Variants in STK11IP observed in about 807,000 individuals in gnomAD.
STK11IP encodes serine/threonine-protein kinase 11-interacting protein.
In STK11IP, 103 loss-of-function variants were observed where a neutral mutation model predicts 131.7. The observed-to-expected ratio is 0.78, with a 90% confidence interval of 0.67 to 0.92. The LOEUF is 0.92. Ranked by LOEUF, STK11IP falls within the 40% of genes least tolerant of loss-of-function variation. The probability of loss-of-function intolerance (pLI) is 0.00; values close to 1 mark genes in which losing one functional copy is unlikely to be tolerated. For synonymous variants in STK11IP, 557 were observed against 575.6 expected (o/e 0.97, Z 0.46); for missense variants, 1,315 against 1,385.7 (o/e 0.95, Z 0.81).
chr2:219,606,391 G>A, intron 10 of STK11IP, 85 bp from the exon 11 acceptor site: 1 of 1,552,800 alleles, frequency 6.4e-7, no homozygotes, highest in Non-Finnish European at 8.7e-7. Flanking sequence ...CAAGGACCTG[G>A]ACCCTGCTTA....
At chr2:219,602,198 T>C (rs757028157) in intron 5 of STK11IP, 115 bp downstream of exon 5, 6 of 773,632 alleles carry the variant, frequency 7.8e-6, no homozygotes, top group South Asian at 3.1e-5. Flanking sequence ...CTCTAGACAG[T>C]GTCCTCACTC....
At position 219,606,705 on chromosome 2, in the gene STK11IP, G is replaced by A. The variant is rs1040934771; in HGVS notation, c.988-7G>A. On this transcript the variant is annotated splice_region_variant and splice_polypyrimidine_tract_variant and intron_variant, in intron 11 of 24. Coordinates refer to ENST00000456909, the MANE Select transcript of STK11IP (RefSeq NM_052902.4). ...ACCTCTCTCTCCTTCCTGTCGTCACGTGCCAGACTCACACATCCTTGGGGC... is the reference window on the plus strand; with the variant it reads ...ACCTCTCTCTCCTTCCTGTCGTCACATGCCAGACTCACACATCCTTGGGGC... 14 of 1,605,682 alleles carry A rather than the reference G, an allele frequency of 8.7e-6. No individual in the cohort carries two copies. Among genetic ancestry groups the A allele is most frequent in the South Asian group, 2.2e-5 (2 of 90,400 alleles).
rs2106158022 is a variant in STK11IP at position 219,608,355 on chromosome 2, G to A, written c.1528G>A (p.Gly510Arg). The change falls in exon 14 of 25, where the codon GGG (glycine) becomes AGG (arginine). Residue 510 changes from glycine to arginine, a missense_variant. Gly to Arg is a moderately radical substitution (Grantham distance 125). Transcript: ENST00000456909. ...GGAGGGGAAGGAGGAGAAGGAGGAG[G>A]GGGAGATGGTGGAACAGGGAGAAGA... is the stretch of plus-strand genomic sequence containing the variant. ...EKEGKEEKEE[G>R]EMVEQGEEEA... is the part of the protein sequence containing the mutation. 6.3e-7 allele frequency: 1 copy of A among 1,585,604 alleles called. No homozygotes were observed. Among genetic ancestry groups the A allele is most frequent in the South Asian group, 1.1e-5 (1 of 88,058 alleles).
rs903255255 is a variant in STK11IP at position 219,614,016 on chromosome 2, C to T, written c.2716+86C>T. On this transcript the variant is annotated intron_variant, in intron 21 of 24. Coordinates refer to ENST00000456909, the MANE Select transcript of STK11IP (RefSeq NM_052902.4). ...AGGCTCCCCACCTGGTACCCAGTAG[C>T]GGAGACAGAGAGGTAACAGGACTTG... 3.4e-5 allele frequency: 51 copies of T among 1,494,374 alleles called. No homozygotes were observed. The African/African-American group carries it at 5.1e-4, about 15-fold the overall frequency. The allele number at this position is 1,494,374 out of a possible 1,614,324, so 92.6% of individuals were successfully genotyped here. A position where few individuals can be genotyped will look rare whatever the true frequency, so the allele number is the denominator to read the frequency against.
chr2:219,616,010 T>A, intron 24 of STK11IP, 34 bp from the exon 25 acceptor site: 1 of 1,608,026 alleles, frequency 6.2e-7, no homozygotes, highest in Non-Finnish European at 8.5e-7. Flanking sequence ...GTGGTCCCCA[T>A]GAGCCTCGCC....
chr2:219,605,953 C>G lies in STK11IP; in HGVS notation c.746-3C>G. On this transcript the variant is annotated splice_polypyrimidine_tract_variant and splice_region_variant and intron_variant, in intron 8 of 24. Transcript: ENST00000456909. Reference sequence around the variant, plus strand: ...TCTTCCTTCCTTCTTGCGTCCACCCCAGGCCTAGAGCAGCTGAGGAATCTG... The same window carrying G: ...TCTTCCTTCCTTCTTGCGTCCACCCGAGGCCTAGAGCAGCTGAGGAATCTG... 1 of 1,598,630 alleles carries G rather than the reference C, an allele frequency of 6.3e-7. No homozygotes were observed. The highest frequency in any genetic ancestry group is 8.5e-7 in the Non-Finnish European group (1 of 1,172,514).
In STK11IP at chr2:219,615,326, G is replaced by A. The variant is rs1404421508; in HGVS notation, c.3102G>A (p.Leu1034=). 6.2e-7 allele frequency: 1 copy of A among 1,601,264 alleles called. No individual in the cohort carries two copies. The highest frequency in any genetic ancestry group is 2.2e-5 in the East Asian group (1 of 44,842). The change falls in exon 24 of 25, where the codon CTG becomes CTA. Residue 1034 remains leucine, a synonymous_variant. Coordinates refer to ENST00000456909, the MANE Select transcript of STK11IP (RefSeq NM_052902.4). ...GCTCAGCCCCTGAGGACTTGCGGCT[G>A]CTCTTCTACGATGAGGTGTGTATGT... ...LYRSAPEDLR[L]LFYDEVSRLE...
intron 24 of STK11IP, 143 bp downstream of exon 24, chr2:219,615,484 G>T: frequency 5.2e-6 from 6 of 1,159,400 alleles, no homozygotes; most frequent in Non-Finnish European, 6.0e-6. Context: ...AACTAGGGTT[G>T]GAGGAACTGG....
intron 12 of STK11IP, 29 bp from the exon 13 acceptor site, chr2:219,607,024 A>G (rs367932923): frequency 1.2e-6 from 2 of 1,613,542 alleles, no homozygotes; most frequent in African/African-American, 1.3e-5. Context: ...CTTGGCTTTC[A>G]CAGAACTTCT....
At chr2:219,598,730 T>G (rs1697882339) in intron 2 of STK11IP, among the ~76,000 whole-genome samples, 1 of 152,256 alleles carries the variant, frequency 6.6e-6, no homozygotes, top group Non-Finnish European at 1.5e-5. Context: ...GAGCTATTGT[T>G]ATTGTAATGA....
rs1698133314 is a variant in STK11IP at position 219,605,856 on chromosome 2, C to G, written c.746-100C>G. ...GGCTTATGGGGAGTGCAGGGGTGCT[C>G]TGGCCGGTCTTTCTGCTGCAACCTC... On this transcript the variant is annotated intron_variant, in intron 8 of 24. Transcript: ENST00000456909. 4.0e-6 allele frequency: 6 copies of G among 1,482,574 alleles called. No homozygotes were observed. The Admixed American group carries it at 9.9e-5, about 24-fold the overall frequency. The allele number at this position is 1,482,574 out of a possible 1,614,324, so 91.8% of individuals were successfully genotyped here. A position where few individuals can be genotyped will look rare whatever the true frequency, so the allele number is the denominator to read the frequency against.
Position 219,602,462 on chromosome 2 carries a change from G to A in STK11IP, c.439-6G>A, listed in dbSNP as rs767317363. 2 of 1,611,938 alleles carry A rather than the reference G, an allele frequency of 1.2e-6. No individual in the cohort carries two copies. The highest frequency in any genetic ancestry group is 1.7e-6 in the Non-Finnish European group (2 of 1,178,536). On this transcript the variant is annotated splice_polypyrimidine_tract_variant and splice_region_variant and intron_variant, in intron 5 of 24. Transcript: ENST00000456909. ...GGGGTAATGAAGCACCCATCTGTCT[G>A]CTCAGGAGCTCCTCTCAGCCTGCGG...
chr2:219,609,723 A>T, intron 17 of STK11IP, 183 bp downstream of exon 17: 1 of 676,822 alleles, frequency 1.5e-6, no homozygotes, highest in Non-Finnish European at 2.4e-6. Context: ...GAAAACAGAA[A>T]AAAAGAAGAA....
intron 17 of STK11IP, 114 bp from the exon 18 acceptor site, chr2:219,611,490 C>T: frequency 1.1e-6 from 1 of 893,176 alleles, no homozygotes; most frequent in East Asian, 2.4e-5. Flanking sequence ...GTGTATGAAG[C>T]TGGAGGCTTG....
Position 219,601,719 on chromosome 2 carries a change from T to C in STK11IP, c.342+4T>C, listed in dbSNP as rs774638975. Reference sequence around the variant, plus strand: ...CAAATCCCTTCGGCACCTGGAGGTATGGGGACACGGGGGGATGTTGGTGCA... The same window carrying C: ...CAAATCCCTTCGGCACCTGGAGGTACGGGGACACGGGGGGATGTTGGTGCA... On this transcript the variant is annotated splice_donor_region_variant and intron_variant, in intron 4 of 24. Coordinates refer to ENST00000456909, the MANE Select transcript of STK11IP (RefSeq NM_052902.4). The C allele has an allele frequency of 6.3e-7, 1 of 1,595,854 alleles. No individual in the cohort carries two copies. Among genetic ancestry groups the C allele is most frequent in the South Asian group, 1.1e-5 (1 of 88,182 alleles).
At chr2:219,599,656 A>G (rs993323987) in intron 2 of STK11IP, among the ~76,000 whole-genome samples, 2 of 152,156 alleles carry the variant, frequency 1.3e-5, no homozygotes, top group South Asian at 4.1e-4. Context: ...ATAGTTTTGT[A>G]TCTTGATTGC....
Position 219,613,876 on chromosome 2 carries a change from G to C in STK11IP, c.2662G>C (p.Val888Leu), listed in dbSNP as rs778662011. 4 of 1,611,562 alleles carry C rather than the reference G, an allele frequency of 2.5e-6. No homozygotes were observed. In the East Asian group the frequency reaches 8.9e-5, roughly 36 times the overall value. Reference sequence around the variant, plus strand: ...GTGGGCAGCTGGGGCGGGCCGCTGTGTGCTGCTGCCCCGAGATGCCAGGCA... The same window carrying C: ...GTGGGCAGCTGGGGCGGGCCGCTGTCTGCTGCTGCCCCGAGATGCCAGGCA... ...LEWAAGAGRC[V>L]LLPRDARHCR... The change falls in exon 21 of 25, where the codon GTG becomes CTG. Residue 888 changes from valine to leucine, a missense_variant. Transcript: ENST00000456909.
rs951634713 is a variant in STK11IP at position 219,598,081 on chromosome 2, T to G, written c.-26-13T>G. The G allele has an allele frequency of 6.3e-7, 1 of 1,577,594 alleles. No individual in the cohort carries two copies. Among genetic ancestry groups the G allele is most frequent in the Non-Finnish European group, 8.6e-7 (1 of 1,162,710 alleles). ...CCACCTGAGGCTCTTCCGCTTCCTCTTTCCCCCCCCAGGCTCCGCCCCCCA... is the reference window on the plus strand; with the variant it reads ...CCACCTGAGGCTCTTCCGCTTCCTCGTTCCCCCCCCAGGCTCCGCCCCCCA... On this transcript the variant is annotated splice_polypyrimidine_tract_variant and intron_variant, in intron 1 of 24. Transcript: ENST00000456909.
In STK11IP at chr2:219,615,309, C is replaced by T. The variant is rs1275428515; in HGVS notation, c.3085C>T (p.Pro1029Ser). 6.2e-7 allele frequency: 1 copy of T among 1,602,586 alleles called. No homozygotes were observed. Among genetic ancestry groups the T allele is most frequent in the African/African-American group, 1.3e-5 (1 of 74,976 alleles). Residue 1029 changes from proline to serine, a missense_variant, in exon 24 of 25, where the codon CCT (proline) becomes TCT (serine). Coordinates refer to ENST00000456909, the MANE Select transcript of STK11IP (RefSeq NM_052902.4). ...CTCCGTGCTGCTCTACCGCTCAGCC[C>T]CTGAGGACTTGCGGCTGCTCTTCTA... ...LSSVLLYRSA[P>S]EDLRLLFYDE...
Sources: gnomAD v4.1 joint callset for allele counts (sites outside exome capture counted in the v4.1 genomes callset) on GRCh38, gnomAD v4.1.1 for gene constraint, MANE v1.5 for transcripts, NCBI Gene and HGNC (gene_info 2026-07-23, HGNC 2026-07-21) for gene names.